Variants in TMEM150C observed in about 807,000 individuals in gnomAD.
The protein encoded by TMEM150C is transmembrane protein 150C.
TMEM150C carries 10 observed loss-of-function variants against 29.9 expected under a neutral mutation model. That is an observed-to-expected ratio of 0.33 (90% CI 0.21 to 0.57). The LOEUF (loss-of-function observed/expected upper bound fraction) is 0.57. TMEM150C is among the 20% of genes least tolerant of loss of function. The pLI, the probability that TMEM150C is intolerant of heterozygous loss-of-function variation, is 0.88. For synonymous variants in TMEM150C, 101 were observed against 112.5 expected (o/e 0.90, Z 0.64); for missense variants, 251 against 303.6 (o/e 0.83, Z 1.29).
At chr4:82,495,903 G>T in intron 6 of TMEM150C, 165 bp downstream of exon 6, 1 of 822,990 alleles carries the variant, frequency 1.2e-6, no homozygotes, top group Non-Finnish European at 1.9e-6. Flanking sequence ...TCTTGAAGCA[G>T]CTGAACAGCT....
chr4:82,485,289 C>T lies in TMEM150C; in HGVS notation c.*222G>A, dbSNP rs1024354184. 1.9e-6 allele frequency: 1 copy of T among 536,212 alleles called. No homozygotes were observed. The highest frequency in any genetic ancestry group is 3.1e-5 in the Admixed American group (1 of 31,774). 33.2% of individuals were successfully genotyped at this position (536,212 alleles called of 1,614,324 possible). A position where few individuals can be genotyped will look rare whatever the true frequency, so the allele number is the denominator to read the frequency against. On this transcript the variant is annotated 3_prime_UTR_variant, in exon 8 of 8. Coordinates refer to ENST00000449862, the MANE Select transcript of TMEM150C (RefSeq NM_001080506.3). ...TGCACAAGCTTCTTGCTCTGTCGTG[C>T]ATATATTTTCAGTGTAACAGCGTGT... is the stretch of plus-strand genomic sequence containing the variant.
At chr4:82,504,724 C>G in intron 1 of TMEM150C, 57 bp from the exon 2 acceptor site, 1 of 1,451,862 alleles carries the variant, frequency 6.9e-7, no homozygotes, top group South Asian at 1.2e-5. Context: ...TTCACTCTTT[C>G]AAGATAGAAA....
In TMEM150C at chr4:82,496,208, C is replaced by T. The variant is rs1723553418; in HGVS notation, c.236-13G>A. 1 of 1,612,204 alleles carries T rather than the reference C, an allele frequency of 6.2e-7. No homozygotes were observed. Among genetic ancestry groups the T allele is most frequent in the Non-Finnish European group, 8.5e-7 (1 of 1,178,916 alleles). ...GCTACCACAAGGGCTAGGAATAAAG[C>T]AAAGTCTTAAAATGGAAGAAATTAA... On this transcript the variant is annotated splice_polypyrimidine_tract_variant and intron_variant, in intron 5 of 7. Transcript: ENST00000449862.
At chr4:82,524,116 A>T (rs1456034178) in intron 1 of TMEM150C, among the ~76,000 whole-genome samples, 2 of 150,726 alleles carry the variant, frequency 1.3e-5, no homozygotes, top group Middle Eastern at 3.2e-3. Flanking sequence ...AAAAAAAAAA[A>T]GGTTAGCAGG....
chr4:82,561,924 G>T lies in TMEM150C; in HGVS notation c.-29C>A. On this transcript the variant is annotated 5_prime_UTR_variant, in exon 1 of 8. Coordinates refer to ENST00000449862, the MANE Select transcript of TMEM150C (RefSeq NM_001080506.3). Reference sequence around the variant, plus strand: ...CGCCTACCTGCTCTGGTGCGGCGGGGCCGCTGTCGCCTCGAGGGGCTGTGA... The same window carrying T: ...CGCCTACCTGCTCTGGTGCGGCGGGTCCGCTGTCGCCTCGAGGGGCTGTGA... 9.7e-7 allele frequency: 1 copy of T among 1,034,492 alleles called. No individual in the cohort carries two copies. Among genetic ancestry groups the T allele is most frequent in the Non-Finnish European group, 1.2e-6 (1 of 858,920 alleles). 64.1% of individuals were successfully genotyped at this position (1,034,492 alleles called of 1,614,324 possible). A position where few individuals can be genotyped will look rare whatever the true frequency, so the allele number is the denominator to read the frequency against.
intron 1 of TMEM150C, among the ~76,000 whole-genome samples, chr4:82,540,111 A>G (rs1449628405): frequency 6.7e-5 from 2 of 29,778 alleles, no homozygotes; most frequent in Non-Finnish European, 1.8e-4. Context: ...GTTTCTACCT[A>G]TTCTTTTTTT....
At chr4:82,562,240 C>T (rs1725966813), upstream of TMEM150C, 3 of 1,283,670 alleles carry the variant, frequency 2.3e-6, no homozygotes, top group Non-Finnish European at 3.0e-6. Flanking sequence ...TGGCGCTCCT[C>T]ATCCAACAAA....
intron 5 of TMEM150C, among the ~76,000 whole-genome samples, chr4:82,497,803 G>A (rs1723605046): frequency 6.6e-6 from 1 of 152,084 alleles, no homozygotes; most frequent in Admixed American, 6.5e-5. Context: ...ATGAAAAATA[G>A]GCACAACGTC....
chr4:82,554,591 A>G (rs1274418084), intron 1 of TMEM150C, among the ~76,000 whole-genome samples: 6 of 152,240 alleles, frequency 3.9e-5, no homozygotes, highest in Non-Finnish European at 8.8e-5. Flanking sequence ...AGTGTAAAAA[A>G]AGAGTACGAA....
intron 1 of TMEM150C, among the ~76,000 whole-genome samples, chr4:82,555,752 G>A (rs139840518): frequency 6.6e-6 from 1 of 152,300 alleles, no homozygotes; most frequent in Admixed American, 6.5e-5. Context: ...CTACTTACTG[G>A]GATGTAGGTA....
At chr4:82,499,925 G>A (rs910879123) in intron 5 of TMEM150C, among the ~76,000 whole-genome samples, 1 of 151,952 alleles carries the variant, frequency 6.6e-6, no homozygotes, top group Non-Finnish European at 1.5e-5. Flanking sequence ...TTATGACTGC[G>A]GTAGAACACA....
intron 1 of TMEM150C, among the ~76,000 whole-genome samples, chr4:82,548,210 A>G (rs931241327): frequency 2.6e-5 from 4 of 152,162 alleles, no homozygotes; most frequent in Non-Finnish European, 5.9e-5. Flanking sequence ...GAAAGGACTG[A>G]AAAACTAACT....
Position 82,504,663 on chromosome 4 carries a change from T to G in TMEM150C, c.-6A>C. On this transcript the variant is annotated 5_prime_UTR_variant, in exon 2 of 8. Coordinates refer to ENST00000449862, the MANE Select transcript of TMEM150C (RefSeq NM_001080506.3). ...CTGCATTTCTTCCCATCCATGCCTG[T>G]ACCACTGAAATAAAATAAACACGTA... 1 of 1,611,308 alleles carries G rather than the reference T, an allele frequency of 6.2e-7. No homozygotes were observed. The highest frequency in any genetic ancestry group is 8.5e-7 in the Non-Finnish European group (1 of 1,177,736).
intron 1 of TMEM150C, among the ~76,000 whole-genome samples, chr4:82,551,426 T>C (rs957887210): frequency 2.0e-5 from 3 of 152,164 alleles, no homozygotes; most frequent in Non-Finnish European, 2.9e-5. Context: ...ATAAATCATA[T>C]TTGAATGAAT....
chr4:82,549,282 A>C (rs1000401071), intron 1 of TMEM150C, among the ~76,000 whole-genome samples: 1 of 152,202 alleles, frequency 6.6e-6, no homozygotes, highest in South Asian at 2.1e-4. Context: ...ATTCAGCCTT[A>C]AAAAGGAAGG....
intron 1 of TMEM150C, among the ~76,000 whole-genome samples, chr4:82,552,743 G>A (rs529897349): frequency 3.3e-5 from 5 of 152,268 alleles, no homozygotes; most frequent in African/African-American, 1.2e-4. Flanking sequence ...ATGATTTTTT[G>A]TGCAGCCATG....
chr4:82,548,104 A>G (rs1362095496), intron 1 of TMEM150C, among the ~76,000 whole-genome samples: 1 of 152,230 alleles, frequency 6.6e-6, no homozygotes, highest in Non-Finnish European at 1.5e-5. Context: ...ATGCAGAAAC[A>G]GAAAAACAAA....
chr4:82,538,603 G>A (rs6831054), intron 1 of TMEM150C, among the ~76,000 whole-genome samples: 3,762 of 152,032 alleles, frequency 0.025, 151 homozygotes, highest in African/African-American at 0.086. Context: ...AATAAGATGG[G>A]TAAAAAAAGT....
At chr4:82,511,492 T>TTTTTG (rs1724124649) in intron 1 of TMEM150C, among the ~76,000 whole-genome samples, 1 of 149,502 alleles carries the variant, frequency 6.7e-6, no homozygotes, top group South Asian at 2.1e-4. Flanking sequence ...TTTTTTTTTT[T>TTTTTG]GAGATAGGGT....
Sources: gnomAD v4.1 joint callset for allele counts (sites outside exome capture counted in the v4.1 genomes callset) on GRCh38, gnomAD v4.1.1 for gene constraint, MANE v1.5 for transcripts, NCBI Gene and HGNC (gene_info 2026-07-23, HGNC 2026-07-21) for gene names.